The following TTLL11 variants were observed in gnomAD, a reference collection of about 807,000 sequenced individuals.
TTLL11 encodes tubulin tyrosine ligase like 11.
TTLL11 carries 42 observed loss-of-function variants against 51.7 expected under a neutral mutation model. That is an observed-to-expected ratio of 0.81 (90% CI 0.64 to 1.05). The LOEUF (loss-of-function observed/expected upper bound fraction) is 1.05. Ranked by LOEUF, TTLL11 falls within the 50% of genes least tolerant of loss-of-function variation. The pLI is 0.00. For synonymous variants in TTLL11, 381 were observed against 383.5 expected (o/e 0.99, Z 0.08); for missense variants, 799 against 940.4 (o/e 0.85, Z 1.97).
intron 4 of TTLL11, among the ~76,000 whole-genome samples, chr9:121,987,739 GAC>G (rs1842973769): frequency 6.6e-6 from 1 of 152,056 alleles, no homozygotes; most frequent in African/African-American, 2.4e-5. Context: ...TCTATCTCAA[GAC>G]ACTGCTTCTT....
chr9:121,828,716 A>T (rs544256141), intron 8 of TTLL11, among the ~76,000 whole-genome samples: 2 of 152,082 alleles, frequency 1.3e-5, no homozygotes, highest in Non-Finnish European at 2.9e-5. Flanking sequence ...TTATTCCCTT[A>T]CAATAAAACC....
chr9:122,004,725 C>T (rs368359458), intron 3 of TTLL11, among the ~76,000 whole-genome samples: 2 of 152,174 alleles, frequency 1.3e-5, no homozygotes, highest in Admixed American at 6.6e-5. Flanking sequence ...CATATGTCAC[C>T]GTGGATGGAA....
Position 121,852,670 on chromosome 9 carries a change from A to T in TTLL11, c.1840+7667T>A, listed in dbSNP as rs7042144. Among the ~76,000 whole-genome samples the T allele has an allele frequency of 1.1e-3, 173 of 152,272 alleles. 1 individual carries two copies. Among genetic ancestry groups the T allele is most frequent in the African/African-American group, 3.9e-3 (160 of 41,544 alleles). ...AGGGGCAGCGGGTGTGACTCCACCT[A>T]GTCTGGTGGCACTACGGGTGCAGAA... On this transcript the variant is annotated intron_variant, in intron 8 of 8. Coordinates refer to ENST00000321582, the MANE Select transcript of TTLL11 (RefSeq NM_001139442.2).
intron 2 of TTLL11, among the ~76,000 whole-genome samples, chr9:122,032,797 C>CTTTTT (rs11371856): frequency 7.2e-6 from 1 of 138,622 alleles, no homozygotes; most frequent in African/African-American, 2.7e-5. Context: ...TTCATTTTTT[C>CTTTTT]TTTTTTTTTT....
At chr9:121,909,984 C>T (rs76377664) in intron 6 of TTLL11, among the ~76,000 whole-genome samples, 6,010 of 152,232 alleles carry the variant, frequency 0.039, 157 homozygotes, top group East Asian at 0.093. Context: ...TGGATGGCGT[C>T]TAAGATGCGA....
intron 3 of TTLL11, among the ~76,000 whole-genome samples, chr9:122,002,236 T>C (rs150984916): frequency 4.6e-5 from 7 of 152,340 alleles, no homozygotes; most frequent in Middle Eastern, 3.4e-3. Context: ...GAAACCTCTC[T>C]GCTTCCTTAA....
intron 2 of TTLL11, among the ~76,000 whole-genome samples, chr9:122,034,500 G>A (rs999580971): frequency 6.6e-6 from 1 of 152,226 alleles, no homozygotes; most frequent in Non-Finnish European, 1.5e-5. Flanking sequence ...AAACCTGCCT[G>A]AATGCCTGTC....
chr9:122,012,894 A>G (rs1397114810), intron 3 of TTLL11, among the ~76,000 whole-genome samples: 1 of 152,236 alleles, frequency 6.6e-6, no homozygotes, highest in African/African-American at 2.4e-5. Context: ...AAGCATTCTT[A>G]GCTCCAGCTT....
intron 1 of TTLL11, among the ~76,000 whole-genome samples, chr9:122,054,427 T>C (rs899159986): frequency 6.6e-6 from 1 of 152,190 alleles, no homozygotes; most frequent in Non-Finnish European, 1.5e-5. Context: ...GTAATTATAT[T>C]ATTAGGCAAC....
intron 6 of TTLL11, among the ~76,000 whole-genome samples, chr9:121,952,809 G>A (rs1005716513): frequency 6.6e-6 from 1 of 152,118 alleles, no homozygotes; most frequent in African/African-American, 2.4e-5. Context: ...ACTGCTGCCT[G>A]CCTGAGTCAA....
chr9:122,020,239 T>C (rs78920505), intron 3 of TTLL11, among the ~76,000 whole-genome samples: 5,920 of 152,314 alleles, frequency 0.039, 116 homozygotes, highest in African/African-American at 0.057. Flanking sequence ...TGCTCTTCTG[T>C]GGCTGGTCTG....
chr9:121,998,298 T>A (rs967168711), intron 3 of TTLL11, among the ~76,000 whole-genome samples: 4 of 152,084 alleles, frequency 2.6e-5, no homozygotes, highest in African/African-American at 9.7e-5. Flanking sequence ...GTTTGTTTTG[T>A]TTTTTTGAGA....
At chr9:121,826,183 CCT>C (rs1491511896) in intron 8 of TTLL11, among the ~76,000 whole-genome samples, 180 of 3,956 alleles carry the variant, frequency 0.046, 14 homozygotes, top group Non-Finnish European at 0.077. Context: ...TAACCAGTAA[CCT>C]ATATATATAT....
intron 3 of TTLL11, among the ~76,000 whole-genome samples, chr9:122,001,020 GT>G (rs1285874239): frequency 6.6e-6 from 1 of 152,112 alleles, no homozygotes; most frequent in Non-Finnish European, 1.5e-5. Flanking sequence ...ACTGATATTG[GT>G]TTTTTTCTTT....
chr9:122,005,034 G>A (rs1048136109), intron 3 of TTLL11, among the ~76,000 whole-genome samples: 2 of 152,200 alleles, frequency 1.3e-5, no homozygotes, highest in African/African-American at 4.8e-5. Context: ...GATCAAGAGG[G>A]CCTAACTGCT....
At chr9:121,948,510 G>C (rs1227164896) in intron 6 of TTLL11, among the ~76,000 whole-genome samples, 1 of 152,164 alleles carries the variant, frequency 6.6e-6, no homozygotes, top group Admixed American at 6.5e-5. Context: ...CTTGATGATG[G>C]TGATTACATG....
Position 121,870,660 on chromosome 9 carries a change from CG to C in TTLL11, c.1569del (p.Glu524LysfsTer43). ...AGGCAAATGGAAGGCAGGTGGGCTT[CG>C]GGGTTGGCGTTGCAGTCTGGAGCAC... ...LTSAPDCNANPEAHLPSICLK... is the reference protein window; with the variant it reads ...LTSAPDCNANXEAHLPSICLK... On this transcript the variant is annotated frameshift_variant, in exon 7 of 9. Coordinates refer to ENST00000321582, the MANE Select transcript of TTLL11 (RefSeq NM_001139442.2). LOFTEE classifies it high-confidence loss of function. 1 of 1,551,736 alleles carries C rather than the reference CG, an allele frequency of 6.4e-7. No homozygotes were observed. Among genetic ancestry groups the C allele is most frequent in the Non-Finnish European group, 8.7e-7 (1 of 1,147,002 alleles).
intron 8 of TTLL11, among the ~76,000 whole-genome samples, chr9:121,841,830 C>T (rs971469333): frequency 7.2e-5 from 11 of 152,074 alleles, no homozygotes; most frequent in Admixed American, 1.3e-4. Context: ...TAGCAACTCC[C>T]TTCCCCCAGT....
At chr9:121,863,267 G>T (rs9792407) in intron 7 of TTLL11, among the ~76,000 whole-genome samples, 111,287 of 152,070 alleles carry the variant, frequency 0.73, 41,347 homozygotes, top group East Asian at 0.9. Context: ...GGGGAGGATG[G>T]TCCAGTCTCT....
Sources: gnomAD v4.1 joint callset for allele counts (sites outside exome capture counted in the v4.1 genomes callset) on GRCh38, gnomAD v4.1.1 for gene constraint, MANE v1.5 for transcripts, NCBI Gene and HGNC (gene_info 2026-07-23, HGNC 2026-07-21) for gene names.